SCNN1B: variants seen among roughly 807,000 people sequenced by gnomAD.
SCNN1B encodes sodium channel epithelial 1 subunit beta, also known as epithelial sodium channel subunit beta.
A neutral mutation model predicts 65.3 loss-of-function variants in SCNN1B; 46 were observed. The observed-to-expected ratio is 0.70, with a 90% CI of 0.56 to 0.90. The LOEUF (loss-of-function observed/expected upper bound fraction) is 0.90, where lower values mean the gene tolerates loss of function less well. Among genes scored for constraint, SCNN1B ranks in the 40% least tolerant of loss-of-function variants. The pLI, the probability that SCNN1B is intolerant of heterozygous loss-of-function variation, is 0.00. For missense variants in SCNN1B, 751 were observed against 830.5 expected, an observed-to-expected ratio of 0.90 and a Z score of 1.18; for synonymous variants, 349 against 330.6, an observed-to-expected ratio of 1.06 and a Z score of -0.60.
intron 4 of SCNN1B, among the ~76,000 whole-genome samples, chr16:23,366,599 T>G (rs1261706135): frequency 2.0e-5 from 3 of 151,998 alleles, no homozygotes; most frequent in Admixed American, 2.0e-4. Flanking sequence ...CCGGGTGTGG[T>G]GGCGGGTGCC....
intron 1 of SCNN1B, among the ~76,000 whole-genome samples, chr16:23,328,821 G>C (rs965691122): frequency 6.6e-6 from 1 of 152,068 alleles, no homozygotes; most frequent in African/African-American, 2.4e-5. Flanking sequence ...TTTGAGACAG[G>C]GTCTCGCTCT....
chr16:23,352,226 G>A (rs1472332161), intron 2 of SCNN1B, among the ~76,000 whole-genome samples: 1 of 152,234 alleles, frequency 6.6e-6, no homozygotes, highest in Non-Finnish European at 1.5e-5. Context: ...CTCATTAAAA[G>A]TTGGTGAATG....
intron 2 of SCNN1B, among the ~76,000 whole-genome samples, chr16:23,289,750 A>G (rs930009311): frequency 6.3e-5 from 9 of 143,186 alleles, no homozygotes; most frequent in African/African-American, 2.4e-4. Context: ...ATCTCGGCTC[A>G]CTGCAACCTC....
At chr16:23,300,967 A>T (rs1215782448), upstream of SCNN1B, among the ~76,000 whole-genome samples, 1 of 151,466 alleles carries the variant, frequency 6.6e-6, no homozygotes. Context: ...TTATATAAAC[A>T]AAATAACATA....
chr16:23,356,677 G>A (rs902312000), intron 4 of SCNN1B, among the ~76,000 whole-genome samples: 1 of 151,970 alleles, frequency 6.6e-6, no homozygotes, highest in African/African-American at 2.4e-5. Context: ...AGTGTTTCCT[G>A]TAAATATTCT....
intron 2 of SCNN1B, among the ~76,000 whole-genome samples, chr16:23,288,873 A>G (rs1365716654): frequency 1.3e-5 from 2 of 152,158 alleles, no homozygotes; most frequent in Non-Finnish European, 2.9e-5. Context: ...CAGTTCCTCA[A>G]GAGTTGTTGG....
chr16:23,344,154 A>G (rs746101266), intron 1 of SCNN1B, among the ~76,000 whole-genome samples: 6 of 152,266 alleles, frequency 3.9e-5, no homozygotes, highest in Non-Finnish European at 7.3e-5. Flanking sequence ...GTTTATGAAC[A>G]TAAAGCAAAA....
intron 1 of SCNN1B, among the ~76,000 whole-genome samples, chr16:23,319,136 G>A (rs111402146): frequency 6.6e-6 from 1 of 151,954 alleles, no homozygotes; most frequent in Non-Finnish European, 1.5e-5. Context: ...CACCTCCTGG[G>A]TTCAAGTGAT....
At chr16:23,336,906 A>T (rs1347742360) in intron 1 of SCNN1B, among the ~76,000 whole-genome samples, 1 of 152,198 alleles carries the variant, frequency 6.6e-6, no homozygotes, top group African/African-American at 2.4e-5. Flanking sequence ...CAAGTGCTAC[A>T]CAGATTTAGC....
Position 23,348,585 on chromosome 16 carries a change from T to A in SCNN1B, c.-8-7T>A. ...CAGCTGATGTGCGTCCCCATGCCTC[T>A]CTGCAGGTGCCACTATGCACGTGAA... On this transcript the variant is annotated splice_region_variant and splice_polypyrimidine_tract_variant and intron_variant, in intron 1 of 12. Coordinates refer to ENST00000343070, the MANE Select transcript of SCNN1B (RefSeq NM_000336.3). The surrounding 1 kb of genome is among the most constrained non-coding windows in gnomAD (Gnocchi z 4.5). 1 of 1,612,148 alleles carries A rather than the reference T, an allele frequency of 6.2e-7. No homozygotes were observed. The highest frequency in any genetic ancestry group is 1.1e-5 in the South Asian group (1 of 90,978).
At chr16:23,327,895 T>C (rs952425738) in intron 1 of SCNN1B, among the ~76,000 whole-genome samples, 5 of 152,348 alleles carry the variant, frequency 3.3e-5, no homozygotes, top group African/African-American at 9.6e-5. Flanking sequence ...TCCTCACAGC[T>C]ATGACCACAT....
chr16:23,303,846 G>A (rs1368614274), intron 1 of SCNN1B: 10 of 584,078 alleles, frequency 1.7e-5, no homozygotes, highest in Admixed American at 2.7e-5. Flanking sequence ...TTGAACCCAG[G>A]AGGTGGAGGT....
intron 1 of SCNN1B, among the ~76,000 whole-genome samples, chr16:23,324,005 A>G (rs1199581634): frequency 6.6e-6 from 1 of 152,128 alleles, no homozygotes; most frequent in Non-Finnish European, 1.5e-5. Context: ...CTTTATATGC[A>G]TTTTAACCCT....
chr16:23,355,618 T>G, intron 4 of SCNN1B, 129 bp downstream of exon 4: 2 of 916,620 alleles, frequency 2.2e-6, no homozygotes, highest in Non-Finnish European at 3.5e-6. Context: ...GCAGCACAGT[T>G]TTCTGTGCCT....
In SCNN1B at chr16:23,352,820, T is replaced by A; in HGVS notation, c.331T>A (p.Leu111Met). The change falls in exon 3 of 13, where the codon TTG (leucine) becomes ATG (methionine). Residue 111 changes from leucine to methionine, a missense_variant. Transcript: ENST00000343070. Reference sequence around the variant, plus strand: ...ATCCAGGTATTCCAAAATCAAGCATTTGCTGAAGGACCTGGATGAGCTGAT... The same window carrying A: ...ATCCAGGTATTCCAAAATCAAGCATATGCTGAAGGACCTGGATGAGCTGAT... The part of the protein sequence containing the change: ...SPFKYSKIKH[L>M]LKDLDELMEA... 6.2e-7 allele frequency: 1 copy of A among 1,614,116 alleles called. No individual in the cohort carries two copies. Among genetic ancestry groups the A allele is most frequent in the South Asian group, 1.1e-5 (1 of 91,060 alleles).
chr16:23,354,540 G>A lies in SCNN1B; in HGVS notation c.586-759G>A, dbSNP rs568117135. The stretch of plus-strand genomic sequence containing the variant: ...GAAGCCGGATGTGACCAGATGGAAG[G>A]GTGCTCTGCACCCTGTGGTGGGCTC... On this transcript the variant is annotated intron_variant, in intron 3 of 12. Transcript: ENST00000343070. 1.5e-4 allele frequency among the ~76,000 whole-genome samples: 23 copies of A among 152,378 alleles called. No individual in the cohort carries two copies. In the South Asian group the frequency reaches 4.3e-3, roughly 29 times the overall value.
chr16:23,314,950 C>T (rs954847301), intron 1 of SCNN1B, among the ~76,000 whole-genome samples: 4 of 152,166 alleles, frequency 2.6e-5, no homozygotes, highest in Non-Finnish European at 4.4e-5. Flanking sequence ...GTGGGGAACG[C>T]GTGGCCCAGA....
chr16:23,328,795 TTTTG>T (rs985915196), intron 1 of SCNN1B, among the ~76,000 whole-genome samples: 2 of 152,068 alleles, frequency 1.3e-5, no homozygotes, highest in South Asian at 2.1e-4. Context: ...TGAAGTGAGT[TTTTG>T]TTTGTTTGTT....
At chr16:23,333,121 G>C (rs1321451779) in intron 1 of SCNN1B, among the ~76,000 whole-genome samples, 4 of 110,244 alleles carry the variant, frequency 3.6e-5, no homozygotes, top group East Asian at 5.3e-4. Flanking sequence ...GAGGGAGGGA[G>C]GGAGGGAGGG....
Sources: gnomAD v4.1 joint callset for allele counts (sites outside exome capture counted in the v4.1 genomes callset) on GRCh38, gnomAD v4.1.1 for gene constraint, Gnocchi (gnomAD v3.1) non-coding constraint, MANE v1.5 for transcripts, NCBI Gene and HGNC (gene_info 2026-07-23, HGNC 2026-07-21) for gene names.